Variants in PACRG observed in about 807,000 individuals in gnomAD.
PACRG encodes parkin coregulated gene protein.
In PACRG, 29 loss-of-function variants were observed where a neutral mutation model predicts 29.7. That is an observed-to-expected ratio of 0.98 (90% CI 0.73 to 1.33). The LOEUF is 1.33. Ranked by LOEUF, PACRG falls within the 40% of genes most tolerant of loss-of-function variation. The probability of loss-of-function intolerance (pLI) is 0.00; values close to 1 mark genes in which losing one functional copy is unlikely to be tolerated. For synonymous variants in PACRG, 116 were observed against 118.7 expected (o/e 0.98, Z 0.15); for missense variants, 279 against 316.2 (o/e 0.88, Z 0.89).
intron 2 of PACRG, among the ~76,000 whole-genome samples, chr6:162,935,392 CTT>C (rs79058842): frequency 5.1e-4 from 63 of 123,992 alleles, no homozygotes; most frequent in Admixed American, 1.0e-3. Context: ...CTGTTTTATT[CTT>C]TTTTTTTTTT....
At chr6:162,925,641 T>C (rs1004140932) in intron 2 of PACRG, among the ~76,000 whole-genome samples, 2 of 152,130 alleles carry the variant, frequency 1.3e-5, no homozygotes, top group Non-Finnish European at 2.9e-5. Context: ...ATAAACTAGG[T>C]GTTGATAGAA....
intron 4 of PACRG, among the ~76,000 whole-genome samples, chr6:163,238,910 C>A (rs1238433991): frequency 6.6e-6 from 1 of 152,178 alleles, no homozygotes; most frequent in East Asian, 1.9e-4. Context: ...TTCAACCTCA[C>A]TTTTGGCGTG....
chr6:163,312,838 G>A (rs1389146740), intron 4 of PACRG: 4 of 419,494 alleles, frequency 9.5e-6, no homozygotes, highest in East Asian at 8.4e-5. Context: ...TTGCAACCTC[G>A]ACCACCTGGG....
intron 2 of PACRG, among the ~76,000 whole-genome samples, chr6:163,021,211 G>C (rs1806583508): frequency 6.6e-6 from 1 of 152,138 alleles, no homozygotes; most frequent in African/African-American, 2.4e-5. Flanking sequence ...GCAAAGCTCA[G>C]TGTGTCCATG....
intron 1 of PACRG, among the ~76,000 whole-genome samples, chr6:162,791,592 G>A (rs1199245388): frequency 6.6e-6 from 1 of 152,106 alleles, no homozygotes; most frequent in Non-Finnish European, 1.5e-5. Context: ...GCAAGTGCTC[G>A]GTAAATATGT....
At chr6:163,219,609 G>GC in intron 4 of PACRG, among the ~76,000 whole-genome samples, 1 of 151,938 alleles carries the variant, frequency 6.6e-6, no homozygotes, top group African/African-American at 2.4e-5. Flanking sequence ...GCGGCCTGCA[G>GC]TCAGCCTGCC....
chr6:163,129,042 A>G (rs943150258), intron 4 of PACRG, among the ~76,000 whole-genome samples: 1 of 149,676 alleles, frequency 6.7e-6, no homozygotes, highest in Non-Finnish European at 1.5e-5. Context: ...CCTAAAACCC[A>G]TTGATGATTG....
intron 1 of PACRG, among the ~76,000 whole-genome samples, chr6:162,731,231 T>A (rs1258094797): frequency 6.6e-6 from 1 of 152,076 alleles, no homozygotes; most frequent in Non-Finnish European, 1.5e-5. Context: ...CAAAGAAAAC[T>A]CTTTTGAGCA....
At chr6:163,115,113 A>C (rs1339818402) in intron 4 of PACRG, among the ~76,000 whole-genome samples, 1 of 152,220 alleles carries the variant, frequency 6.6e-6, no homozygotes, top group Non-Finnish European at 1.5e-5. Flanking sequence ...TAGTTAGCCA[A>C]CTAAATCTCT....
chr6:162,972,193 C>T (rs187374457), intron 2 of PACRG, among the ~76,000 whole-genome samples: 1 of 152,260 alleles, frequency 6.6e-6, no homozygotes, highest in Admixed American at 6.5e-5. Flanking sequence ...ACAAAGAGAT[C>T]GGCTTGAGTG....
chr6:162,846,642 C>T (rs879642271), intron 2 of PACRG, among the ~76,000 whole-genome samples: 6 of 152,198 alleles, frequency 3.9e-5, no homozygotes, highest in Non-Finnish European at 7.3e-5. Flanking sequence ...CCCGTGCCAC[C>T]CTCCAGTGGC....
In PACRG at chr6:163,267,113, C is replaced by T. The variant is rs144523102; in HGVS notation, c.614-47714C>T. On this transcript the variant is annotated intron_variant, in intron 4 of 4. Coordinates refer to ENST00000366888, the MANE Select transcript of PACRG (RefSeq NM_001080379.2). ...AGTCACTGTAGGGAAAAATGCTCCACGTAAACTAAGCTCTTCCTGAAGCTT... is the reference window on the plus strand; with the variant it reads ...AGTCACTGTAGGGAAAAATGCTCCATGTAAACTAAGCTCTTCCTGAAGCTT... Among the ~76,000 whole-genome samples the T allele has an allele frequency of 4.5e-4, 69 of 151,992 alleles. No homozygotes were observed. The East Asian group carries it at 4.7e-3, about 10-fold the overall frequency.
At chr6:162,747,964 A>G (rs1337449124) in intron 1 of PACRG, among the ~76,000 whole-genome samples, 1 of 152,176 alleles carries the variant, frequency 6.6e-6, no homozygotes, top group East Asian at 1.9e-4. Context: ...TAAGTGGGCT[A>G]AAAAATGATT....
intron 4 of PACRG, among the ~76,000 whole-genome samples, chr6:163,167,364 G>C (rs1778860941): frequency 6.6e-6 from 1 of 152,204 alleles, no homozygotes; most frequent in African/African-American, 2.4e-5. Flanking sequence ...GAAAGCATCA[G>C]AGGGTCGCAG....
chr6:162,957,410 C>T, intron 2 of PACRG: 1 of 553,506 alleles, frequency 1.8e-6, no homozygotes. Context: ...GGTCTCACAG[C>T]ACGGACCCCT....
chr6:163,258,258 C>T lies in PACRG; in HGVS notation c.614-56569C>T, dbSNP rs569601625. ...TAAGTGTTATCAGTTGTCTTTTAGA[C>T]ATGTCATTTATTTTAATTTAACCCA... On this transcript the variant is annotated intron_variant, in intron 4 of 4. Coordinates refer to ENST00000366888, the MANE Select transcript of PACRG (RefSeq NM_001080379.2). Among the ~76,000 whole-genome samples, 307 of 152,236 alleles carry T rather than the reference C, an allele frequency of 2.0e-3. 1 individual carries two copies. The highest frequency in any genetic ancestry group is 3.7e-3 in the Non-Finnish European group (249 of 68,000).
intron 1 of PACRG, among the ~76,000 whole-genome samples, chr6:162,755,694 C>A (rs1781862933): frequency 6.6e-6 from 1 of 152,188 alleles, no homozygotes. Flanking sequence ...ACCTTGGCCT[C>A]CCAAAGTTCT....
chr6:162,965,249 T>C (rs1346258130), intron 2 of PACRG, among the ~76,000 whole-genome samples: 4 of 152,256 alleles, frequency 2.6e-5, no homozygotes, highest in East Asian at 3.8e-4. Flanking sequence ...AGAAGACTGA[T>C]GGCAGAGACA....
intron 4 of PACRG, among the ~76,000 whole-genome samples, chr6:163,197,095 A>G (rs1003053149): frequency 7.2e-5 from 11 of 152,242 alleles, no homozygotes. Flanking sequence ...AAACTTTTAA[A>G]AACTTGAACC....
Sources: gnomAD v4.1 joint callset for allele counts (sites outside exome capture counted in the v4.1 genomes callset) on GRCh38, gnomAD v4.1.1 for gene constraint, MANE v1.5 for transcripts, NCBI Gene and HGNC (gene_info 2026-07-23, HGNC 2026-07-21) for gene names.